The following CAPS2 variants were observed in gnomAD, a reference collection of about 807,000 sequenced individuals.
The protein encoded by CAPS2 is calcyphosin-2.
CAPS2 carries 98 observed loss-of-function variants against 86.5 expected under a neutral mutation model. That is an observed-to-expected ratio of 1.13 (90% CI 0.96 to 1.34). CAPS2 has a LOEUF of 1.34. CAPS2 is among the 40% of genes most tolerant of loss of function. The probability of loss-of-function intolerance (pLI) is 0.00; values close to 1 mark genes in which losing one functional copy is unlikely to be tolerated. For synonymous variants in CAPS2, 210 were observed against 225.1 expected, an observed-to-expected ratio of 0.93 and a Z score of 0.60; for missense variants, 729 against 686.8, an observed-to-expected ratio of 1.06 and a Z score of -0.69.
At chr12:75,384,091 C>A (rs1393000990) in intron 1 of CAPS2, among the ~76,000 whole-genome samples, 1 of 151,888 alleles carries the variant, frequency 6.6e-6, no homozygotes, top group African/African-American at 2.4e-5. Context: ...ATCGCATATG[C>A]TTTCACTGTT....
Position 75,366,763 on chromosome 12 carries a change from G to A in CAPS2, c.-395+24075C>T, listed in dbSNP as rs753238741. The A allele has an allele frequency of 1.2e-4, 78 of 642,928 alleles. No homozygotes were observed. In the Middle Eastern group the frequency reaches 1.2e-3, roughly 10 times the overall value. The allele number at this position is 642,928 out of a possible 1,614,324, so 39.8% of individuals were successfully genotyped here. On this transcript the variant is annotated intron_variant, in intron 1 of 5. Transcript: ENST00000551829. ...TGTTTTACCAATGAGTCATTTCCAC[G>A]CTCTTATGTGTCTCAGTTTCTCTCT...
chr12:75,381,980 T>C (rs932322960), intron 1 of CAPS2, among the ~76,000 whole-genome samples: 3 of 152,188 alleles, frequency 2.0e-5, no homozygotes, highest in Non-Finnish European at 4.4e-5. Flanking sequence ...TCTAGCAAAT[T>C]TCTCAGTTGC....
intron 4 of CAPS2, among the ~76,000 whole-genome samples, chr12:75,321,953 T>C (rs947386579): frequency 3.9e-5 from 6 of 152,104 alleles, no homozygotes; most frequent in East Asian, 1.9e-4. Context: ...GATAGAGCAA[T>C]TGAAGATCAT....
upstream of CAPS2, among the ~76,000 whole-genome samples, chr12:75,331,715 C>T (rs931733380): frequency 6.6e-5 from 10 of 151,812 alleles, no homozygotes; most frequent in African/African-American, 2.4e-4. Context: ...AGGCGCCCGC[C>T]ACTACGCCCG....
intron 7 of CAPS2, chr12:75,305,714 G>C: frequency 1.5e-6 from 1 of 674,894 alleles, no homozygotes. Flanking sequence ...GGCGCACGAC[G>C]AGCTCGTGTG....
At chr12:75,305,011 T>C in intron 7 of CAPS2, 135 bp from the exon 8 acceptor site, 1 of 566,182 alleles carries the variant, frequency 1.8e-6, no homozygotes. Flanking sequence ...TTTTATTAAA[T>C]AAATTTATTA....
intron 1 of CAPS2, among the ~76,000 whole-genome samples, chr12:75,326,217 T>C (rs1268421404): frequency 6.6e-6 from 1 of 152,134 alleles, no homozygotes; most frequent in African/African-American, 2.4e-5. Flanking sequence ...ATAAGTTTAA[T>C]TTTAAAAAAT....
At chr12:75,341,351 C>T (rs557320993) in intron 1 of CAPS2, among the ~76,000 whole-genome samples, 2 of 152,206 alleles carry the variant, frequency 1.3e-5, no homozygotes, top group Non-Finnish European at 2.9e-5. Flanking sequence ...CATGTAACAT[C>T]CCCATGGCTC....
intron 1 of CAPS2, chr12:75,369,645 T>C (rs2044225840): frequency 1.0e-6 from 1 of 984,688 alleles, no homozygotes; most frequent in African/African-American, 1.7e-5. Flanking sequence ...ATTACGTTTC[T>C]TCAGGGACGT....
intron 1 of CAPS2, among the ~76,000 whole-genome samples, chr12:75,338,257 A>C (rs1036226072): frequency 1.3e-5 from 2 of 152,204 alleles, no homozygotes; most frequent in African/African-American, 2.4e-5. Flanking sequence ...CATGGGATTT[A>C]TCTCAGGAAT....
intron 1 of CAPS2, among the ~76,000 whole-genome samples, chr12:75,349,180 G>C (rs60597986): frequency 1.1e-3 from 163 of 152,276 alleles, no homozygotes; most frequent in African/African-American, 3.9e-3. Context: ...GAAAGAATAA[G>C]AGGACACAGT....
intron 1 of CAPS2, among the ~76,000 whole-genome samples, chr12:75,344,242 G>C (rs914687989): frequency 1.3e-5 from 2 of 151,992 alleles, no homozygotes; most frequent in African/African-American, 4.8e-5. Context: ...CTGGAAGTGG[G>C]AAGTTCTCTT....
At chr12:75,383,569 C>G (rs370723229) in intron 1 of CAPS2, among the ~76,000 whole-genome samples, 1 of 152,002 alleles carries the variant, frequency 6.6e-6, no homozygotes, top group African/African-American at 2.4e-5. Flanking sequence ...AAGAAATAGA[C>G]GAATCTACTA....
In CAPS2 at chr12:75,359,357, C is replaced by CTTTTTTTT. The variant is rs61616225; in HGVS notation, c.-395+31473_-395+31480dup. On this transcript the variant is annotated intron_variant, in intron 1 of 5. Coordinates refer to the CAPS2 transcript ENST00000551829. Reference sequence around the variant, plus strand: ...GAGTTAGAAGACTCAGCATTGTTGTCTTTTTTTTTTTTTTTTTTTTTTTTT... The same window carrying CTTTTTTTT: ...GAGTTAGAAGACTCAGCATTGTTGTCTTTTTTTTTTTTTTTTTTTTTTTTTTTTTTTTT... Among the ~76,000 whole-genome samples, 170 of 28,600 alleles carry CTTTTTTTT rather than the reference C, an allele frequency of 5.9e-3. 6 individuals are homozygous for CTTTTTTTT. Among genetic ancestry groups the CTTTTTTTT allele is most frequent in the Middle Eastern group, 0.056 (1 of 18 alleles). The allele number at this position is 28,600 out of a possible 152,430, so 18.8% of individuals were successfully genotyped here. A position where few individuals can be genotyped will look rare whatever the true frequency, so the allele number is the denominator to read the frequency against.
chr12:75,312,811 T>G, intron 7 of CAPS2, 37 bp downstream of exon 7: 2 of 1,174,686 alleles, frequency 1.7e-6, no homozygotes, highest in Non-Finnish European at 2.5e-6. Context: ...ATGAAAACTT[T>G]CTGAATTGAT....
At position 75,363,174 on chromosome 12, in the gene CAPS2, T is replaced by C. The variant is rs775488246; in HGVS notation, c.-395+27664A>G. ...CTCTCTGCTCAAAAGAAGAGAAATG[T>C]GTAAAGAACCTCTGCAGTAAGCAAA... On this transcript the variant is annotated intron_variant, in intron 1 of 5. Transcript: ENST00000551829. 2.7e-5 allele frequency: 41 copies of C among 1,532,742 alleles called. No individual in the cohort carries two copies. The South Asian group carries it at 5.1e-4, about 19-fold the overall frequency. The allele number at this position is 1,532,742 out of a possible 1,614,324, so 94.9% of individuals were successfully genotyped here.
chr12:75,370,234 T>C, intron 1 of CAPS2: 1 of 852,414 alleles, frequency 1.2e-6, no homozygotes, highest in Non-Finnish European at 1.9e-6. Context: ...AGTTTATTGC[T>C]TAATATAACT....
At chr12:75,299,903 G>C in exon 9 of CAPS2, 1 of 1,399,814 alleles carries the variant, frequency 7.1e-7, no homozygotes, top group Non-Finnish European at 9.7e-7. Flanking sequence ...TGTAGAATGA[G>C]TTCTTATCCT....
In CAPS2 at chr12:75,289,784, C is replaced by CAAGAAG; in HGVS notation, c.1241-15_1241-10dup. The CAAGAAG allele has an allele frequency of 6.2e-7, 1 of 1,600,340 alleles. No individual in the cohort carries two copies. Among genetic ancestry groups the CAAGAAG allele is most frequent in the Non-Finnish European group, 8.5e-7 (1 of 1,172,844 alleles). ...TTTTTCTTTTAGCACATCTGTTCAA[C>CAAGAAG]AAGAAGAGAGATGAAAACAAATTGT... is the stretch of plus-strand genomic sequence containing the variant. On this transcript the variant is annotated splice_polypyrimidine_tract_variant and intron_variant, in intron 13 of 16. Coordinates refer to ENST00000393284, the Ensembl canonical transcript of CAPS2.
Sources: gnomAD v4.1 joint callset for allele counts (sites outside exome capture counted in the v4.1 genomes callset) on GRCh38, gnomAD v4.1.1 for gene constraint, MANE v1.5 for transcripts, NCBI Gene and HGNC (gene_info 2026-07-23, HGNC 2026-07-21) for gene names.